The following ANKS1B variants were observed in gnomAD, a reference collection of about 807,000 sequenced individuals.
ANKS1B encodes ankyrin repeat and sterile alpha motif domain containing 1B, also known as ankyrin repeat and sterile alpha motif domain-containing protein 1B.
Under a neutral mutation model 148.3 loss-of-function variants are expected in ANKS1B, and 36 were observed. The ratio of observed to expected loss-of-function variants is 0.24; its 90% confidence interval spans 0.19 to 0.32. The LOEUF (loss-of-function observed/expected upper bound fraction) is 0.32, where lower values mean the gene tolerates loss of function less well. Among genes scored for constraint, ANKS1B ranks in the 10% least tolerant of loss-of-function variants. The pLI is 1.00. For synonymous variants in ANKS1B, 542 were observed against 560.8 expected, an observed-to-expected ratio of 0.97 and a Z score of 0.47; for missense variants, 1,157 against 1,542.6, an observed-to-expected ratio of 0.75 and a Z score of 4.19.
At chr12:99,431,795 C>A (rs1387139937) in intron 11 of ANKS1B, among the ~76,000 whole-genome samples, 4 of 152,160 alleles carry the variant, frequency 2.6e-5, no homozygotes, top group Non-Finnish European at 4.4e-5. Context: ...CTATTCTTCT[C>A]CCTGGACTAT....
intron 1 of ANKS1B, among the ~76,000 whole-genome samples, chr12:99,964,032 A>G (rs1308590103): frequency 6.6e-6 from 1 of 152,202 alleles, no homozygotes; most frequent in African/African-American, 2.4e-5. Context: ...TAATTATGAT[A>G]AAGAAAGACC....
At chr12:98,926,157 G>C (rs144982049) in intron 17 of ANKS1B, among the ~76,000 whole-genome samples, 1 of 152,250 alleles carries the variant, frequency 6.6e-6, no homozygotes, top group African/African-American at 2.4e-5. Context: ...CTAAGGCAGA[G>C]TTGTAAACTG....
At chr12:98,807,811 T>C in intron 20 of ANKS1B, 33 bp downstream of exon 20, 1 of 1,594,952 alleles carries the variant, frequency 6.3e-7, no homozygotes, top group South Asian at 1.1e-5. Flanking sequence ...TAGCGCAAGT[T>C]CAGGAGAAGA....
chr12:99,631,973 G>A (rs1435029333), intron 9 of ANKS1B, among the ~76,000 whole-genome samples: 4 of 152,146 alleles, frequency 2.6e-5, no homozygotes, highest in Admixed American at 6.5e-5. Context: ...CAAGAAAATG[G>A]AAGAAAGACC....
chr12:99,419,855 G>C (rs1212543177), intron 11 of ANKS1B, among the ~76,000 whole-genome samples: 1 of 152,076 alleles, frequency 6.6e-6, no homozygotes, highest in African/African-American at 2.4e-5. Flanking sequence ...ACTCTTTGTA[G>C]ATATATGGTC....
At chr12:99,642,351 T>G (rs935700508) in intron 9 of ANKS1B, among the ~76,000 whole-genome samples, 4 of 121,016 alleles carry the variant, frequency 3.3e-5, no homozygotes. Context: ...CTAATTTCTG[T>G]AGCTATTGTA....
At chr12:99,349,320 A>G (rs1361046933) in intron 12 of ANKS1B, among the ~76,000 whole-genome samples, 1 of 151,968 alleles carries the variant, frequency 6.6e-6, no homozygotes, top group Non-Finnish European at 1.5e-5. Context: ...AACAAATAGC[A>G]AAATGGCATA....
intron 10 of ANKS1B, among the ~76,000 whole-genome samples, chr12:99,458,554 T>G (rs2095886088): frequency 6.6e-6 from 1 of 150,802 alleles, no homozygotes; most frequent in African/African-American, 2.4e-5. Flanking sequence ...TCCAAATAAG[T>G]GCAATTAGAA....
intron 1 of ANKS1B, among the ~76,000 whole-genome samples, chr12:99,967,839 G>A (rs1429015431): frequency 2.0e-5 from 3 of 149,570 alleles, no homozygotes; most frequent in Admixed American, 6.6e-5. Context: ...CCCAGGAGGC[G>A]GAGGTTGCAG....
intron 14 of ANKS1B, among the ~76,000 whole-genome samples, chr12:99,184,006 T>C (rs2079472485): frequency 6.6e-6 from 1 of 152,166 alleles, no homozygotes. Context: ...ATATCAAATA[T>C]AAAAAAGACA....
chr12:98,841,976 A>G (rs551787746), intron 17 of ANKS1B, among the ~76,000 whole-genome samples: 61 of 152,260 alleles, frequency 4.0e-4, no homozygotes, highest in African/African-American at 1.5e-3. Context: ...TGCTGGTAGG[A>G]TTGTAAATGG....
intron 8 of ANKS1B, among the ~76,000 whole-genome samples, chr12:99,765,674 G>C (rs1266657367): frequency 6.6e-6 from 1 of 152,048 alleles, no homozygotes; most frequent in African/African-American, 2.4e-5. Flanking sequence ...TATTGACTCA[G>C]ACCAATCCAA....
intron 17 of ANKS1B, among the ~76,000 whole-genome samples, chr12:98,848,756 T>TTTTTTTTTTTTTTTG (rs1567129301): frequency 1.4e-5 from 2 of 140,508 alleles, no homozygotes; most frequent in Non-Finnish European, 3.1e-5. Flanking sequence ...TTTTTTTTTT[T>TTTTTTTTTTTTTTTG]GAGACGGAGT....
intron 12 of ANKS1B, among the ~76,000 whole-genome samples, chr12:99,297,645 C>CT (rs554943262): frequency 3.3e-5 from 5 of 152,208 alleles, no homozygotes; most frequent in African/African-American, 1.2e-4. Context: ...AAATGGTCAG[C>CT]TTTTTTTCCC....
chr12:99,094,740 C>T lies in ANKS1B; in HGVS notation c.2527-9717G>A, dbSNP rs78329302. ...AATAAAATTTAGTGACTGAGGGGGA[C>T]GAAGACCTGGGAAAGAAACGCAGGA... is the stretch of plus-strand genomic sequence containing the variant. On this transcript the variant is annotated intron_variant, in intron 15 of 26. Coordinates refer to ENST00000683438, the MANE Select transcript of ANKS1B (RefSeq NM_001352186.2). Among the ~76,000 whole-genome samples the T allele has an allele frequency of 8.5e-3, 1,290 of 152,134 alleles. 19 individuals are homozygous for T. Among genetic ancestry groups the T allele is most frequent in the South Asian group, 0.047 (225 of 4,820 alleles).
chr12:99,905,737 T>C (rs1289506061), intron 1 of ANKS1B, among the ~76,000 whole-genome samples: 1 of 152,214 alleles, frequency 6.6e-6, no homozygotes, highest in African/African-American at 2.4e-5. Flanking sequence ...GGGTTTTCCC[T>C]CTGTGTTTGT....
rs191525629 is a variant in ANKS1B at position 99,685,491 on chromosome 12, C to A, written c.1129-30281G>T. On this transcript the variant is annotated intron_variant, in intron 8 of 26. Coordinates refer to ENST00000683438, the MANE Select transcript of ANKS1B (RefSeq NM_001352186.2). ...ACTTTTACACTGCTGGTGGAAACTGCTAGTACAGCTACTATGGAAAACAGT... is the reference window on the plus strand; with the variant it reads ...ACTTTTACACTGCTGGTGGAAACTGATAGTACAGCTACTATGGAAAACAGT... 1.1e-3 allele frequency among the ~76,000 whole-genome samples: 165 copies of A among 152,008 alleles called. 4 individuals are homozygous for A. The highest frequency in any genetic ancestry group is 0.011 in the Admixed American group (164 of 15,244).
intron 8 of ANKS1B, among the ~76,000 whole-genome samples, chr12:99,763,981 T>C (rs771121141): frequency 6.6e-6 from 1 of 152,182 alleles, no homozygotes; most frequent in Non-Finnish European, 1.5e-5. Context: ...TATTTCATCC[T>C]CAAAGAAACT....
At chr12:99,008,441 T>C (rs932277259) in intron 17 of ANKS1B, among the ~76,000 whole-genome samples, 24 of 152,194 alleles carry the variant, frequency 1.6e-4, no homozygotes, top group African/African-American at 5.8e-4. Flanking sequence ...TGGAATATTA[T>C]AAGATAGGGA....
Sources: allele counts gnomAD v4.1 joint callset (sites outside exome capture counted in the v4.1 genomes callset), GRCh38; gene constraint gnomAD v4.1.1; transcripts MANE v1.5; gene names NCBI Gene and HGNC (gene_info 2026-07-23, HGNC 2026-07-21).